The following EXOC6B variants were observed in gnomAD, a reference collection of about 807,000 sequenced individuals.
EXOC6B encodes the protein exocyst complex component 6B, also known as SEC15 homolog B.
In EXOC6B, 54 loss-of-function variants were observed where a neutral mutation model predicts 113.5. The observed-to-expected ratio is 0.48, with a 90% CI of 0.38 to 0.60. EXOC6B has a LOEUF of 0.60. Among genes scored for constraint, EXOC6B ranks in the 20% least tolerant of loss-of-function variants. EXOC6B has a pLI of 0.00. For synonymous variants in EXOC6B, 357 were observed against 339.0 expected, an observed-to-expected ratio of 1.05 and a Z score of -0.58; for missense variants, 797 against 977.5, an observed-to-expected ratio of 0.82 and a Z score of 2.46.
intron 6 of EXOC6B, among the ~76,000 whole-genome samples, chr2:72,615,645 A>G (rs1384144985): frequency 6.6e-6 from 1 of 151,958 alleles, no homozygotes; most frequent in East Asian, 1.9e-4. Flanking sequence ...AGCACAAACA[A>G]TTATGTATAG....
intron 18 of EXOC6B, among the ~76,000 whole-genome samples, chr2:72,401,505 A>ATG (rs1426011784): frequency 3.4e-5 from 2 of 58,528 alleles, no homozygotes; most frequent in Admixed American, 2.0e-4. Context: ...ATATATATAT[A>ATG]TATATATATA....
chr2:72,195,069 C>T (rs1345576646), intron 20 of EXOC6B, among the ~76,000 whole-genome samples: 1 of 152,150 alleles, frequency 6.6e-6, no homozygotes, highest in Non-Finnish European at 1.5e-5. Context: ...GAACATCACC[C>T]TGAGAAATAT....
At chr2:72,491,703 A>G (rs1363305568) in intron 16 of EXOC6B, among the ~76,000 whole-genome samples, 1 of 152,140 alleles carries the variant, frequency 6.6e-6, no homozygotes, top group African/African-American at 2.4e-5. Context: ...CATTCAATAT[A>G]TGTAAAATAT....
chr2:72,716,174 C>T (rs911170236), intron 6 of EXOC6B, among the ~76,000 whole-genome samples: 2 of 152,172 alleles, frequency 1.3e-5, no homozygotes, highest in East Asian at 3.9e-4. Context: ...CCACATGCAA[C>T]ACTCTTTGGT....
chr2:72,193,193 G>A (rs1678962787), intron 20 of EXOC6B, among the ~76,000 whole-genome samples: 1 of 152,138 alleles, frequency 6.6e-6, no homozygotes, highest in Non-Finnish European at 1.5e-5. Flanking sequence ...GTGACCCCAG[G>A]CATGACACCA....
chr2:72,424,577 G>C (rs1440624374), intron 18 of EXOC6B, among the ~76,000 whole-genome samples: 1 of 151,800 alleles, frequency 6.6e-6, no homozygotes. Flanking sequence ...ATCAATTCCT[G>C]TTGCTTTCCT....
intron 20 of EXOC6B, among the ~76,000 whole-genome samples, chr2:72,297,378 C>G (rs1256581733): frequency 6.6e-6 from 1 of 152,134 alleles, no homozygotes; most frequent in Non-Finnish European, 1.5e-5. Context: ...TCCCTCCTCA[C>G]ACGTTCCACC....
chr2:72,681,310 T>G (rs1394509233), intron 6 of EXOC6B, among the ~76,000 whole-genome samples: 2 of 152,286 alleles, frequency 1.3e-5, no homozygotes, highest in East Asian at 3.9e-4. Flanking sequence ...AAAATTTATC[T>G]CAGTCTGATG....
chr2:72,735,082 G>A (rs1196493895), intron 2 of EXOC6B, among the ~76,000 whole-genome samples: 1 of 151,990 alleles, frequency 6.6e-6, no homozygotes, highest in African/African-American at 2.4e-5. Context: ...AAATCATACG[G>A]GCTTCCTTGG....
At chr2:72,751,487 T>C (rs533940641) in intron 1 of EXOC6B, among the ~76,000 whole-genome samples, 58 of 152,170 alleles carry the variant, frequency 3.8e-4, no homozygotes, top group African/African-American at 1.3e-3. Flanking sequence ...TGTAAATGTT[T>C]CTCATCAGAC....
intron 6 of EXOC6B, among the ~76,000 whole-genome samples, chr2:72,675,977 A>G (rs1676273738): frequency 6.6e-6 from 1 of 151,882 alleles, no homozygotes; most frequent in South Asian, 2.1e-4. Flanking sequence ...ATTTTTTTTT[A>G]AAGACAAACA....
intron 18 of EXOC6B, among the ~76,000 whole-genome samples, chr2:72,431,814 C>T (rs903731270): frequency 2.0e-5 from 3 of 152,130 alleles, no homozygotes; most frequent in South Asian, 2.1e-4. Flanking sequence ...CACACCCCAA[C>T]GAGCCCTGGT....
intron 6 of EXOC6B, among the ~76,000 whole-genome samples, chr2:72,622,131 T>C (rs1671785479): frequency 6.6e-6 from 1 of 151,568 alleles, no homozygotes; most frequent in Non-Finnish European, 1.5e-5. Flanking sequence ...ACCTGTAATA[T>C]TATAGGATTA....
At chr2:72,186,018 A>G (rs1477945386) in intron 20 of EXOC6B, among the ~76,000 whole-genome samples, 2 of 151,666 alleles carry the variant, frequency 1.3e-5, no homozygotes, top group African/African-American at 2.4e-5. Context: ...TGCGATAGAT[A>G]GTTTGCTGAG....
At chr2:72,810,355 AT>A (rs1685828506) in intron 1 of EXOC6B, among the ~76,000 whole-genome samples, 1 of 132,812 alleles carries the variant, frequency 7.5e-6, no homozygotes, top group African/African-American at 2.5e-5. Flanking sequence ...AAATAAATAA[AT>A]AAATAAATAA....
chr2:72,288,955 A>G, intron 20 of EXOC6B: 1 of 235,284 alleles, frequency 4.3e-6, no homozygotes, highest in Non-Finnish European at 8.5e-6. Flanking sequence ...TGGAGTTATC[A>G]GCCCCAGATT....
chr2:72,352,491 T>G (rs72841783), intron 19 of EXOC6B, among the ~76,000 whole-genome samples: 3 of 152,112 alleles, frequency 2.0e-5, no homozygotes, highest in Non-Finnish European at 4.4e-5. Context: ...TTGGGTTTTT[T>G]TCTCTCTCTC....
At chr2:72,313,062 T>C (rs1687300216) in intron 20 of EXOC6B, among the ~76,000 whole-genome samples, 2 of 151,916 alleles carry the variant, frequency 1.3e-5, no homozygotes, top group Admixed American at 1.3e-4. Flanking sequence ...TAAAAATGAG[T>C]GAAACCATGT....
intron 8 of EXOC6B, among the ~76,000 whole-genome samples, chr2:72,518,085 G>A (rs1367353831): frequency 6.6e-6 from 1 of 152,092 alleles, no homozygotes; most frequent in East Asian, 1.9e-4. Context: ...GTAGATGTTT[G>A]ACCAGTCCAG....
Sources: gnomAD v4.1 joint callset for allele counts (sites outside exome capture counted in the v4.1 genomes callset) on GRCh38, gnomAD v4.1.1 for gene constraint, MANE v1.5 for transcripts, NCBI Gene and HGNC (gene_info 2026-07-23, HGNC 2026-07-21) for gene names.